The following SMPD3 variants were observed in gnomAD, a reference collection of about 807,000 sequenced individuals.
SMPD3 encodes the protein nSMase-2.
A neutral mutation model predicts 55.7 loss-of-function variants in SMPD3; 21 were observed. The observed-to-expected ratio is 0.38, with a 90% CI of 0.27 to 0.54. SMPD3 has a LOEUF of 0.54. SMPD3 is among the 20% of genes least tolerant of loss of function. The pLI, the probability that SMPD3 is intolerant of heterozygous loss-of-function variation, is 0.80. For missense variants in SMPD3, 842 were observed against 899.6 expected, an observed-to-expected ratio of 0.94 and a Z score of 0.82; for synonymous variants, 457 against 404.3, an observed-to-expected ratio of 1.13 and a Z score of -1.56.
At chr16:68,418,771 G>A (rs2090360839) in intron 1 of SMPD3, among the ~76,000 whole-genome samples, 1 of 152,232 alleles carries the variant, frequency 6.6e-6, no homozygotes, top group Non-Finnish European at 1.5e-5. Flanking sequence ...AAGTAAGCCT[G>A]CCCCTGGCTC....
rs993608734 is a variant in SMPD3, at chr16:68,447,175, G to A, written c.-269+1178C>T. ...TTGTCCTCTCGAGGATGCCTGGGCCGAGCGCGAAAGCCCCATGCCTTGGAA... is the reference window on the plus strand; with the variant it reads ...TTGTCCTCTCGAGGATGCCTGGGCCAAGCGCGAAAGCCCCATGCCTTGGAA... On this transcript the variant is annotated intron_variant, in intron 1 of 8. Transcript: ENST00000219334. This position sits in a 1 kb window ranked among gnomAD's most constrained non-coding sequence, Gnocchi z 5.1. 1.3e-5 allele frequency among the ~76,000 whole-genome samples: 2 copies of A among 152,120 alleles called. No homozygotes were observed. Among genetic ancestry groups the A allele is most frequent in the Non-Finnish European group, 2.9e-5 (2 of 68,006 alleles).
rs1051623041 is a variant in SMPD3 at position 68,419,053 on chromosome 16, T to C, written c.-269+29300A>G. The stretch of plus-strand genomic sequence containing the variant: ...ACAGGGCAGGCCCCAGTATGGTCTA[T>C]TTGTAGAAATAGGCCTCAGGAGAGG... On this transcript the variant is annotated intron_variant, in intron 1 of 8. Coordinates refer to ENST00000219334, the MANE Select transcript of SMPD3 (RefSeq NM_018667.4). Among the ~76,000 whole-genome samples, 12 of 152,036 alleles carry C rather than the reference T, an allele frequency of 7.9e-5. 1 individual carries two copies. The highest frequency in any genetic ancestry group is 6.6e-4 in the Admixed American group (10 of 15,248).
At chr16:68,442,773 G>A (rs1439191436) in intron 1 of SMPD3, among the ~76,000 whole-genome samples, 2 of 152,190 alleles carry the variant, frequency 1.3e-5, no homozygotes, top group African/African-American at 2.4e-5. Flanking sequence ...GCTGAGGAGA[G>A]TTAATTAATG....
At chr16:68,398,953 C>A (rs2090183575) in intron 1 of SMPD3, among the ~76,000 whole-genome samples, 1 of 152,168 alleles carries the variant, frequency 6.6e-6, no homozygotes, top group Non-Finnish European at 1.5e-5. Context: ...GACATCGTGG[C>A]CAGGAGCTCT....
At chr16:68,414,817 G>T (rs1360323301) in intron 1 of SMPD3, among the ~76,000 whole-genome samples, 1 of 152,232 alleles carries the variant, frequency 6.6e-6, no homozygotes, top group South Asian at 2.1e-4. Flanking sequence ...AGCAGGGCCA[G>T]GTAGGAGGTG....
chr16:68,363,561 TGGGGGGGACGA>T lies in SMPD3; in HGVS notation c.1646-13_1646-3del. 3.7e-6 allele frequency: 6 copies of T among 1,612,584 alleles called. No homozygotes were observed. Among genetic ancestry groups the T allele is most frequent in the Non-Finnish European group, 5.1e-6 (6 of 1,179,450 alleles). On this transcript the variant is annotated splice_region_variant and splice_polypyrimidine_tract_variant and intron_variant, in intron 6 of 8. Transcript: ENST00000219334. ...GGCCGTTCGTGTCCAGCAGAGTACC[TGGGGGGGACGA>T]GGGGGTGACAGTGGTCGCTGCAGGC...
intron 1 of SMPD3, among the ~76,000 whole-genome samples, chr16:68,402,217 C>A (rs2090213955): frequency 6.6e-6 from 1 of 152,206 alleles, no homozygotes; most frequent in East Asian, 1.9e-4. Flanking sequence ...CTGATTGAAC[C>A]CTGAGTGATA....
At chr16:68,413,638 A>C (rs1201603688) in intron 1 of SMPD3, among the ~76,000 whole-genome samples, 1 of 152,150 alleles carries the variant, frequency 6.6e-6, no homozygotes, top group Non-Finnish European at 1.5e-5. Context: ...AGTCATGAAA[A>C]CGTGGCAGTG....
At position 68,371,345 on chromosome 16, in the gene SMPD3, C is replaced by T. The variant is rs757457525; in HGVS notation, c.837G>A (p.Thr279=). 4.3e-5 allele frequency: 68 copies of T among 1,583,736 alleles called. 1 individual carries two copies. The highest frequency in any genetic ancestry group is 3.8e-5 in the Non-Finnish European group (44 of 1,172,836). The change falls in exon 3 of 9, where the codon ACG becomes ACA. Residue 279 remains threonine (T), a synonymous_variant. Transcript: ENST00000219334. ...CCCCGTCCTGCTGATTATGGTTGGG[C>T]GTCTGGCCCCTTGGGCCCCCGCCAG... is the stretch of plus-strand genomic sequence containing the variant. ...NGAGGGPRGQ[T]PNHNQQDGDS... is the part of the protein sequence containing the mutation.
intron 2 of SMPD3, among the ~76,000 whole-genome samples, chr16:68,378,521 C>A (rs943804322): frequency 1.2e-4 from 18 of 152,182 alleles, no homozygotes; most frequent in Admixed American, 9.8e-4. Context: ...CCATCTAGAT[C>A]CAAAGCACCT....
chr16:68,376,899 C>T (rs2089830712), intron 2 of SMPD3, among the ~76,000 whole-genome samples: 1 of 152,204 alleles, frequency 6.6e-6, no homozygotes, highest in African/African-American at 2.4e-5. Flanking sequence ...GGACTTTCTA[C>T]CTCCCAGGAT....
chr16:68,361,897 C>T, intron 7 of SMPD3, 138 bp from the exon 8 acceptor site: 1 of 1,298,328 alleles, frequency 7.7e-7, no homozygotes, highest in Non-Finnish European at 1.0e-6. Context: ...AAGATCTCTC[C>T]CCTGCGGGTC....
At chr16:68,446,033 A>G (rs2152037125) in intron 1 of SMPD3, among the ~76,000 whole-genome samples, 1 of 152,308 alleles carries the variant, frequency 6.6e-6, no homozygotes, top group Non-Finnish European at 1.5e-5. Flanking sequence ...ATGCCCTTCC[A>G]GACATGGAGG....
chr16:68,401,778 C>A (rs62058167), intron 1 of SMPD3, among the ~76,000 whole-genome samples: 1 of 152,150 alleles, frequency 6.6e-6, no homozygotes. Flanking sequence ...CACCTAGGAC[C>A]ATATAAATGC....
At chr16:68,373,291 A>G (rs967945649) in intron 2 of SMPD3, among the ~76,000 whole-genome samples, 2 of 152,356 alleles carry the variant, frequency 1.3e-5, no homozygotes, top group South Asian at 2.1e-4. Flanking sequence ...GAGCAGACTC[A>G]GAGCTCCACC....
intron 1 of SMPD3, among the ~76,000 whole-genome samples, chr16:68,394,416 T>A (rs1405965936): frequency 1.3e-5 from 2 of 152,258 alleles, no homozygotes; most frequent in Non-Finnish European, 2.9e-5. Context: ...ACCGTGGAAT[T>A]ACAGCTATTA....
Position 68,371,544 on chromosome 16 carries a change from T to C in SMPD3, c.638A>G (p.Lys213Arg), listed in dbSNP as rs1381819833. Residue 213 changes from lysine (K) to arginine (R), a missense_variant, in exon 3 of 9, where the codon AAG becomes AGG. This residue lies in a region of SMPD3 where 649 missense variants were observed against 643.6 expected (regional missense o/e 1.01). Transcript: ENST00000219334. ...SIKRTASVEY[K>R]GDGGRHPGDE... ...ACCGGGGTGCCGCCCACCGTCACCC[T>C]TGTACTCCACAGAGGCTGTCCTCTT... is the stretch of plus-strand genomic sequence containing the variant. 2.5e-6 allele frequency: 4 copies of C among 1,601,532 alleles called. No individual in the cohort carries two copies. The highest frequency in any genetic ancestry group is 3.4e-6 in the Non-Finnish European group (4 of 1,178,494).
intron 1 of SMPD3, among the ~76,000 whole-genome samples, chr16:68,444,454 G>T (rs192148885): frequency 6.6e-6 from 1 of 152,302 alleles, no homozygotes; most frequent in Admixed American, 6.5e-5. Context: ...TTTCTAAGGA[G>T]CCTCTCAGAA....
At chr16:68,425,584 C>T (rs555994304) in intron 1 of SMPD3, among the ~76,000 whole-genome samples, 2 of 152,280 alleles carry the variant, frequency 1.3e-5, no homozygotes, top group Non-Finnish European at 2.9e-5. Flanking sequence ...GAAGGATGGG[C>T]AGAAACCAAG....
Sources: gnomAD v4.1 joint callset for allele counts (sites outside exome capture counted in the v4.1 genomes callset) on GRCh38, gnomAD v4.1.1 for gene constraint, gnomAD v4.1.1 regional missense constraint, Gnocchi (gnomAD v3.1) non-coding constraint, MANE v1.5 for transcripts, NCBI Gene and HGNC (gene_info 2026-07-23, HGNC 2026-07-21) for gene names.